EPHB1: variants seen among roughly 807,000 people sequenced by gnomAD.
The protein encoded by EPHB1 is EPH receptor B1.
EPHB1 carries 30 observed loss-of-function variants against 94.4 expected under a neutral mutation model. That is an observed-to-expected ratio of 0.32 (90% CI 0.24 to 0.43). EPHB1 has a LOEUF of 0.43. EPHB1 is among the 20% of genes least tolerant of loss of function. The pLI is 1.00. For synonymous variants in EPHB1, 522 were observed against 489.1 expected (o/e 1.07, Z -0.89); for missense variants, 1,055 against 1,308.3 (o/e 0.81, Z 2.99).
chr3:135,004,618 T>C (rs926887488), intron 3 of EPHB1, among the ~76,000 whole-genome samples: 20 of 151,984 alleles, frequency 1.3e-4, no homozygotes, highest in Admixed American at 1.2e-3. Flanking sequence ...GATTTTGTCT[T>C]TTCACATAGT....
intron 1 of EPHB1, among the ~76,000 whole-genome samples, chr3:134,846,823 CG>C (rs2036883063): frequency 6.6e-6 from 1 of 152,060 alleles, no homozygotes; most frequent in Non-Finnish European, 1.5e-5. Flanking sequence ...ATTTACCCAG[CG>C]AAGTCACCTG....
intron 1 of EPHB1, chr3:134,823,818 A>G (rs557073852): frequency 6.6e-6 from 1 of 152,382 alleles, no homozygotes; most frequent in Non-Finnish European, 1.5e-5. Context: ...TGATAGCATC[A>G]GTTTCCATGG....
intron 12 of EPHB1, among the ~76,000 whole-genome samples, chr3:135,228,271 T>G (rs1255674578): frequency 2.6e-5 from 4 of 152,218 alleles, no homozygotes; most frequent in Non-Finnish European, 5.9e-5. Flanking sequence ...TGTAATAGAC[T>G]CTTCCTCATT....
Position 135,259,946 on chromosome 3 carries a change from C to T in EPHB1, c.*826C>T, listed in dbSNP as rs73862069. The T allele has an allele frequency of 2.8e-4, 65 of 231,502 alleles. No individual in the cohort carries two copies. The highest frequency in any genetic ancestry group is 1.2e-3 in the African/African-American group (55 of 45,316). 14.3% of individuals were successfully genotyped at this position (231,502 alleles called of 1,614,324 possible). Reference sequence around the variant, plus strand: ...TGGGAAGTCTTTGTCCCTAGGAAATCCAAAGGGGCTGGAATATGGTGTTGG... The same window carrying T: ...TGGGAAGTCTTTGTCCCTAGGAAATTCAAAGGGGCTGGAATATGGTGTTGG... On this transcript the variant is annotated 3_prime_UTR_variant, in exon 16 of 16. Transcript: ENST00000398015.
intron 13 of EPHB1, among the ~76,000 whole-genome samples, chr3:135,242,096 G>A (rs1696260139): frequency 6.6e-6 from 1 of 152,202 alleles, no homozygotes; most frequent in African/African-American, 2.4e-5. Flanking sequence ...GATTTGCTTT[G>A]ATAAGTCTCC....
intron 3 of EPHB1, among the ~76,000 whole-genome samples, chr3:135,044,570 C>T (rs903660512): frequency 2.0e-5 from 3 of 152,200 alleles, no homozygotes; most frequent in Non-Finnish European, 4.4e-5. Flanking sequence ...CCCACTGCTT[C>T]ACCTCTTTAG....
chr3:135,081,040 C>G (rs1247098808), intron 3 of EPHB1, among the ~76,000 whole-genome samples: 1 of 152,160 alleles, frequency 6.6e-6, no homozygotes, highest in Non-Finnish European at 1.5e-5. Context: ...GACAGGCATC[C>G]TCTATTGCAA....
intron 1 of EPHB1, among the ~76,000 whole-genome samples, chr3:134,899,265 T>G (rs1277863945): frequency 2.0e-5 from 3 of 152,128 alleles, no homozygotes; most frequent in Admixed American, 2.0e-4. Flanking sequence ...GCTGCAGGGC[T>G]TCAGGGATTG....
At chr3:135,180,710 G>C (rs1942131655) in intron 10 of EPHB1, among the ~76,000 whole-genome samples, 1 of 152,158 alleles carries the variant, frequency 6.6e-6, no homozygotes, top group South Asian at 2.1e-4. Flanking sequence ...GTTAGTAGCT[G>C]AGTCAATTTG....
chr3:134,888,335 T>C (rs1009091952), intron 1 of EPHB1, among the ~76,000 whole-genome samples: 1 of 152,204 alleles, frequency 6.6e-6, no homozygotes, highest in African/African-American at 2.4e-5. Flanking sequence ...GGGGGATTCC[T>C]GTAGGGCAGC....
chr3:135,255,427 C>T lies in EPHB1; in HGVS notation c.2847-3585C>T, dbSNP rs1052913791. Among the ~76,000 whole-genome samples, 10 of 133,020 alleles carry T rather than the reference C, an allele frequency of 7.5e-5. 1 individual carries two copies. Among genetic ancestry groups the T allele is most frequent in the Middle Eastern group, 4.0e-3 (1 of 252 alleles). The allele number at this position is 133,020 out of a possible 152,430, so 87.3% of individuals were successfully genotyped here. A position where few individuals can be genotyped will look rare whatever the true frequency, so the allele number is the denominator to read the frequency against. On this transcript the variant is annotated intron_variant, in intron 15 of 15. Coordinates refer to ENST00000398015, the MANE Select transcript of EPHB1 (RefSeq NM_004441.5). The stretch of plus-strand genomic sequence containing the variant: ...TTCTGGTATGTTGTGTCTTTGTTTC[C>T]GTTGGTTTCAAAGAACATCTTTATT...
chr3:134,961,521 A>G (rs1457559), intron 3 of EPHB1, among the ~76,000 whole-genome samples: 74,137 of 152,098 alleles, frequency 0.49, 18,778 homozygotes, highest in African/African-American at 0.6. Flanking sequence ...AACAGGTAAT[A>G]TATGTGAAAG....
Position 134,951,333 on chromosome 3 carries a change from G to GT in EPHB1, c.124-33dup, listed in dbSNP as rs751458110. The GT allele has an allele frequency of 2.7e-5, 40 of 1,499,688 alleles. 1 individual carries two copies. The South Asian group carries it at 3.0e-4, about 11-fold the overall frequency. The allele number at this position is 1,499,688 out of a possible 1,614,324, so 92.9% of individuals were successfully genotyped here. The stretch of plus-strand genomic sequence containing the variant: ...TTTGTATTCTCACTCTCTATTTTGT[G>GT]TTTTTGCATGTGTGTGCCTGTGGCC... On this transcript the variant is annotated intron_variant, in intron 2 of 15. Transcript: ENST00000398015. This position sits in a 1 kb window ranked among gnomAD's most constrained non-coding sequence, Gnocchi z 4.5.
chr3:135,004,854 A>G (rs1350830222), intron 3 of EPHB1, among the ~76,000 whole-genome samples: 2 of 151,834 alleles, frequency 1.3e-5, no homozygotes, highest in Non-Finnish European at 2.9e-5. Flanking sequence ...CTAGTTATAT[A>G]TTCTTCTAAA....
intron 5 of EPHB1, among the ~76,000 whole-genome samples, chr3:135,150,180 T>A (rs917530663): frequency 1.3e-5 from 2 of 152,354 alleles, no homozygotes; most frequent in South Asian, 4.1e-4. Context: ...TTCCATTTTT[T>A]AAATACATGA....
At chr3:135,154,389 G>A in intron 6 of EPHB1, 113 bp downstream of exon 6, 1 of 1,468,998 alleles carries the variant, frequency 6.8e-7, no homozygotes, top group Non-Finnish European at 9.2e-7. Flanking sequence ...GAGGATTCTG[G>A]TGACAGAGGC....
intron 1 of EPHB1, among the ~76,000 whole-genome samples, chr3:134,812,880 C>T (rs1261777079): frequency 6.6e-6 from 1 of 152,146 alleles, no homozygotes; most frequent in Non-Finnish European, 1.5e-5. Flanking sequence ...ATTAGCCACT[C>T]ATATATATTC....
chr3:135,241,241 A>T lies in EPHB1; in HGVS notation c.2440A>T (p.Met814Leu). 8 of 1,614,230 alleles carry T rather than the reference A, an allele frequency of 5.0e-6. No homozygotes were observed. The highest frequency in any genetic ancestry group is 5.9e-6 in the Non-Finnish European group (7 of 1,180,042). ...ASDVWSYGIV[M>L]WEVMSFGERP... ...CGACGTTTGGAGCTATGGGATCGTCATGTGGGAAGTCATGTCATTTGGAGA... is the reference window on the plus strand; with the variant it reads ...CGACGTTTGGAGCTATGGGATCGTCTTGTGGGAAGTCATGTCATTTGGAGA... Residue 814 changes from methionine to leucine, a missense_variant, in exon 13 of 16, where the codon ATG becomes TTG. Coordinates refer to ENST00000398015, the MANE Select transcript of EPHB1 (RefSeq NM_004441.5).
intron 3 of EPHB1, among the ~76,000 whole-genome samples, chr3:134,963,014 T>C (rs1933582414): frequency 6.6e-6 from 1 of 152,128 alleles, no homozygotes; most frequent in Admixed American, 6.5e-5. Context: ...TGTTTGGTTT[T>C]TGTCCCCCTG....
Sources: gnomAD v4.1 joint callset for allele counts (sites outside exome capture counted in the v4.1 genomes callset) on GRCh38, gnomAD v4.1.1 for gene constraint, Gnocchi (gnomAD v3.1) non-coding constraint, MANE v1.5 for transcripts, NCBI Gene and HGNC (gene_info 2026-07-23, HGNC 2026-07-21) for gene names.